The following LAMA3 variants were observed in gnomAD, a reference collection of about 807,000 sequenced individuals.
The protein encoded by LAMA3 is laminin subunit alpha 3.
A neutral mutation model predicts 402.0 loss-of-function variants in LAMA3; 281 were observed. That is an observed-to-expected ratio of 0.70 (90% CI 0.63 to 0.77). The LOEUF (loss-of-function observed/expected upper bound fraction) is 0.77. LAMA3 is among the 30% of genes least tolerant of loss of function. The pLI, the probability that LAMA3 is intolerant of heterozygous loss-of-function variation, is 0.00. For missense variants in LAMA3, 3,840 were observed against 4,215.5 expected (o/e 0.91, Z 2.47); for synonymous variants, 1,431 against 1,558.4 (o/e 0.92, Z 1.93).
chr18:23,914,910 G>A (rs766008368), intron 58 of LAMA3, 50 bp downstream of exon 58: 1 of 1,411,340 alleles, frequency 7.1e-7, no homozygotes. Context: ...TTTTAATTTG[G>A]TATGGTGATG....
chr18:23,844,584 C>A (rs2063772998), intron 29 of LAMA3, among the ~76,000 whole-genome samples: 1 of 152,314 alleles, frequency 6.6e-6, no homozygotes, highest in African/African-American at 2.4e-5. Context: ...GTGGACTGAG[C>A]CTTTACTCCT....
intron 37 of LAMA3, among the ~76,000 whole-genome samples, chr18:23,870,221 T>G (rs997549111): frequency 6.6e-6 from 1 of 152,092 alleles, no homozygotes; most frequent in Admixed American, 6.5e-5. Context: ...GAGAATCACT[T>G]GAACCCGGGA....
At chr18:23,953,897 A>G (rs1460885581) in intron 74 of LAMA3, among the ~76,000 whole-genome samples, 1 of 152,176 alleles carries the variant, frequency 6.6e-6, no homozygotes, top group Admixed American at 6.5e-5. Flanking sequence ...CTCCAAATAC[A>G]CTGTAATCCG....
At chr18:23,700,398 G>C (rs997679272) in intron 1 of LAMA3, among the ~76,000 whole-genome samples, 1 of 152,112 alleles carries the variant, frequency 6.6e-6, no homozygotes, top group African/African-American at 2.4e-5. Flanking sequence ...GAAAAATTGG[G>C]CTTTAAGACT....
chr18:23,739,831 T>C (rs989496661), intron 2 of LAMA3, among the ~76,000 whole-genome samples: 1 of 152,254 alleles, frequency 6.6e-6, no homozygotes, highest in Non-Finnish European at 1.5e-5. Flanking sequence ...AAAATCCATA[T>C]ATTTTTAGGA....
chr18:23,864,953 C>T (rs1598951032), intron 36 of LAMA3, 70 bp downstream of exon 36: 1 of 943,942 alleles, frequency 1.1e-6, no homozygotes, highest in Non-Finnish European at 1.7e-6. Context: ...AAATTTAGGA[C>T]ATCTTGATAT....
intron 62 of LAMA3, among the ~76,000 whole-genome samples, chr18:23,923,278 T>C (rs1042353519): frequency 4.6e-5 from 7 of 152,158 alleles, no homozygotes; most frequent in Non-Finnish European, 1.0e-4. Context: ...TAGCTCACTC[T>C]AGTGCAGGGC....
chr18:23,891,544 T>C (rs904410486), intron 42 of LAMA3, among the ~76,000 whole-genome samples: 4 of 152,138 alleles, frequency 2.6e-5, no homozygotes, highest in Non-Finnish European at 4.4e-5. Context: ...TCTTCTCCAA[T>C]AGTAAGTGCC....
At chr18:23,859,203 A>G (rs1336000381) in intron 34 of LAMA3, among the ~76,000 whole-genome samples, 1 of 152,234 alleles carries the variant, frequency 6.6e-6, no homozygotes, top group Non-Finnish European at 1.5e-5. Flanking sequence ...ATCTCATTAA[A>G]TAAATCGAGT....
intron 54 of LAMA3, 51 bp downstream of exon 54, chr18:23,907,986 T>A: frequency 6.4e-7 from 1 of 1,574,400 alleles, no homozygotes; most frequent in Non-Finnish European, 8.7e-7. Flanking sequence ...TCCATTGTTA[T>A]GTGTTTTGGT....
intron 8 of LAMA3, 117 bp from the exon 9 acceptor site, chr18:23,773,380 G>A (rs562012244): frequency 1.3e-6 from 1 of 759,176 alleles, no homozygotes; most frequent in East Asian, 2.7e-5. Flanking sequence ...TATTATTTCA[G>A]TGACTTCAAA....
intron 1 of LAMA3, among the ~76,000 whole-genome samples, chr18:23,698,581 T>A (rs1401386557): frequency 6.6e-6 from 1 of 152,236 alleles, no homozygotes; most frequent in Non-Finnish European, 1.5e-5. Context: ...TTTGGACTCA[T>A]TGTCTTAATT....
intron 7 of LAMA3, 125 bp from the exon 8 acceptor site, chr18:23,763,280 A>G: frequency 1.4e-6 from 1 of 715,428 alleles, no homozygotes; most frequent in South Asian, 1.5e-5. Context: ...TTTTCCCCTA[A>G]GAGTGTCCTG....
At chr18:23,692,957 C>A (rs2060620025) in intron 1 of LAMA3, among the ~76,000 whole-genome samples, 1 of 152,004 alleles carries the variant, frequency 6.6e-6, no homozygotes, top group South Asian at 2.1e-4. Context: ...CAAATTACAT[C>A]TTTATACATG....
chr18:23,765,375 A>C lies in LAMA3; in HGVS notation c.1182+1852A>C, dbSNP rs185283086. Among the ~76,000 whole-genome samples, 55 of 152,344 alleles carry C rather than the reference A, an allele frequency of 3.6e-4. 1 individual carries two copies. The highest frequency in any genetic ancestry group is 3.6e-3 in the Admixed American group (55 of 15,300). ...TCCGTTTTCCATACAATCCAAGCAC[A>C]GGATGGATTTCATCTGAGACTGAAA... On this transcript the variant is annotated intron_variant, in intron 8 of 74. Coordinates refer to ENST00000313654, the MANE Select transcript of LAMA3 (RefSeq NM_198129.4).
intron 63 of LAMA3, 130 bp downstream of exon 63, chr18:23,928,370 T>G: frequency 1.3e-6 from 1 of 752,760 alleles, no homozygotes. Flanking sequence ...TCATATACAC[T>G]CCCCATGTGC....
chr18:23,933,917 G>C lies in LAMA3; in HGVS notation c.8844G>C (p.Lys2948Asn). ...LKGSTRFNKT[K>N]TFRINQLLQD... is the part of the protein sequence containing the mutation. ...GTTCTACCAGGTTTAACAAGACCAAGACTTTTCGTATCAACCAGGTAAGTG... is the reference window on the plus strand; with the variant it reads ...GTTCTACCAGGTTTAACAAGACCAACACTTTTCGTATCAACCAGGTAAGTG... The change falls in exon 67 of 75, where the codon AAG becomes AAC. Residue 2948 changes from lysine to asparagine, a missense_variant. Coordinates refer to ENST00000313654, the MANE Select transcript of LAMA3 (RefSeq NM_198129.4). 1 of 1,614,144 alleles carries C rather than the reference G, an allele frequency of 6.2e-7. No homozygotes were observed. Among genetic ancestry groups the C allele is most frequent in the South Asian group, 1.1e-5 (1 of 91,080 alleles).
chr18:23,895,108 G>A, intron 44 of LAMA3, 50 bp downstream of exon 44: 1 of 1,543,036 alleles, frequency 6.5e-7, no homozygotes, highest in Non-Finnish European at 8.7e-7. Context: ...GATGCTGCGG[G>A]AGTGGATTCT....
intron 13 of LAMA3, among the ~76,000 whole-genome samples, chr18:23,812,286 G>A (rs2063089523): frequency 6.6e-6 from 1 of 152,144 alleles, no homozygotes; most frequent in Admixed American, 6.5e-5. Flanking sequence ...AGGTTGCAGT[G>A]AGCTATGATC....
Sources: allele counts gnomAD v4.1 joint callset (sites outside exome capture counted in the v4.1 genomes callset), GRCh38; gene constraint gnomAD v4.1.1; transcripts MANE v1.5; gene names NCBI Gene and HGNC (gene_info 2026-07-23, HGNC 2026-07-21).